FSIP1: variants seen among roughly 807,000 people sequenced by gnomAD.
FSIP1 encodes fibrous sheath-interacting protein 1.
A neutral mutation model predicts 60.9 loss-of-function variants in FSIP1; 65 were observed. The ratio of observed to expected loss-of-function variants is 1.07; its 90% CI spans 0.87 to 1.31. The LOEUF (loss-of-function observed/expected upper bound fraction) is 1.31, where lower values mean the gene tolerates loss of function less well. Among genes scored for constraint, FSIP1 ranks in the 40% most tolerant of loss-of-function variants. The probability of loss-of-function intolerance (pLI) is 0.00; values close to 1 mark genes in which losing one functional copy is unlikely to be tolerated. For missense variants in FSIP1, 675 were observed against 665.5 expected, an observed-to-expected ratio of 1.01 and a Z score of -0.16; for synonymous variants, 209 against 221.2, an observed-to-expected ratio of 0.94 and a Z score of 0.49.
At chr15:39,699,725 T>C (rs1894980151) in intron 10 of FSIP1, among the ~76,000 whole-genome samples, 2 of 152,206 alleles carry the variant, frequency 1.3e-5, no homozygotes, top group South Asian at 4.1e-4. Flanking sequence ...CTGAGTCATC[T>C]GCAAAATTCC....
chr15:39,754,061 G>T (rs1371015187), intron 5 of FSIP1, among the ~76,000 whole-genome samples: 1 of 152,024 alleles, frequency 6.6e-6, no homozygotes, highest in Non-Finnish European at 1.5e-5. Context: ...GTAATCACAG[G>T]ATTACTAATA....
intron 5 of FSIP1, among the ~76,000 whole-genome samples, chr15:39,756,457 G>A (rs73395285): frequency 3.3e-5 from 5 of 151,908 alleles, no homozygotes; most frequent in East Asian, 1.9e-4. Flanking sequence ...TCTCAAACTC[G>A]TGGACTCAAG....
chr15:39,633,091 C>CTTTTTTTTTTTTT (rs869063502), intron 10 of FSIP1, among the ~76,000 whole-genome samples: 7 of 112,886 alleles, frequency 6.2e-5, no homozygotes, highest in African/African-American at 1.5e-4. Context: ...GGCTATACTT[C>CTTTTTTTTTTTTT]TTTTTTTTTT....
At chr15:39,706,403 C>T (rs1015344907) in intron 10 of FSIP1, among the ~76,000 whole-genome samples, 21 of 152,120 alleles carry the variant, frequency 1.4e-4, no homozygotes, top group African/African-American at 4.1e-4. Context: ...GCTGGCCTAA[C>T]GGGTGTATAT....
chr15:39,620,839 C>T (rs953605585), intron 10 of FSIP1, among the ~76,000 whole-genome samples: 1 of 150,668 alleles, frequency 6.6e-6, no homozygotes, highest in Non-Finnish European at 1.5e-5. Context: ...CTTCTGACCT[C>T]AAGTGATCCA....
intron 5 of FSIP1, among the ~76,000 whole-genome samples, chr15:39,745,560 G>A (rs983965882): frequency 2.0e-5 from 3 of 152,150 alleles, no homozygotes; most frequent in Non-Finnish European, 2.9e-5. Flanking sequence ...GTCTATCTGT[G>A]CAGCTCAGAG....
intron 10 of FSIP1, among the ~76,000 whole-genome samples, chr15:39,653,279 T>C (rs1892950316): frequency 6.6e-6 from 1 of 151,924 alleles, no homozygotes; most frequent in East Asian, 1.9e-4. Context: ...TGAGTGAAAG[T>C]CAAGGCCCAG....
intron 10 of FSIP1, among the ~76,000 whole-genome samples, chr15:39,680,149 T>G (rs2140485273): frequency 1.3e-5 from 2 of 151,840 alleles, no homozygotes; most frequent in East Asian, 1.9e-4. Context: ...CAAGACTCTG[T>G]CTCAAAAAAA....
chr15:39,672,173 A>G (rs1440052161), intron 10 of FSIP1, among the ~76,000 whole-genome samples: 5 of 152,204 alleles, frequency 3.3e-5, no homozygotes, highest in Admixed American at 6.5e-5. Context: ...AATCTGTCCA[A>G]GCTCAGCTTC....
chr15:39,614,793 C>T (rs961227853), intron 11 of FSIP1, among the ~76,000 whole-genome samples: 3 of 151,902 alleles, frequency 2.0e-5, no homozygotes, highest in Admixed American at 6.6e-5. Context: ...ATAAAAGAAA[C>T]AATCCTTAAA....
At chr15:39,778,727 G>A (rs1237445633) in intron 1 of FSIP1, among the ~76,000 whole-genome samples, 7 of 152,184 alleles carry the variant, frequency 4.6e-5, no homozygotes, top group Non-Finnish European at 1.0e-4. Context: ...ACAAAAGGAA[G>A]CGAGTAGTAT....
intron 2 of FSIP1, among the ~76,000 whole-genome samples, chr15:39,776,182 G>GGAGGGGAGGGA (rs1898051603): frequency 2.7e-5 from 2 of 75,096 alleles, no homozygotes; most frequent in African/African-American, 8.5e-5. Flanking sequence ...GAGGGGAGGG[G>GGAGGGGAGGGA]CGGAGGGAGG....
At chr15:39,653,784 T>C (rs1277250318) in intron 10 of FSIP1, among the ~76,000 whole-genome samples, 3 of 152,246 alleles carry the variant, frequency 2.0e-5, no homozygotes, top group African/African-American at 7.2e-5. Flanking sequence ...TTGCTCCTCC[T>C]TGCCTTCTGC....
intron 5 of FSIP1, among the ~76,000 whole-genome samples, chr15:39,746,859 G>C (rs1311293236): frequency 6.6e-6 from 1 of 152,232 alleles, no homozygotes; most frequent in Middle Eastern, 3.4e-3. Context: ...GAAATAAGGA[G>C]AGATGATAAG....
chr15:39,698,950 C>T (rs1329279327), intron 10 of FSIP1, among the ~76,000 whole-genome samples: 1 of 152,130 alleles, frequency 6.6e-6, no homozygotes, highest in Non-Finnish European at 1.5e-5. Flanking sequence ...CAGAGGTAAA[C>T]AGATAAGAGG....
At chr15:39,707,372 C>T (rs1023529777) in intron 10 of FSIP1, among the ~76,000 whole-genome samples, 4 of 152,104 alleles carry the variant, frequency 2.6e-5, no homozygotes, top group East Asian at 1.9e-4. Flanking sequence ...TCTGACCATA[C>T]GGAGAGGTCG....
intron 10 of FSIP1, among the ~76,000 whole-genome samples, chr15:39,645,968 G>A (rs1300818883): frequency 6.6e-6 from 1 of 152,230 alleles, no homozygotes; most frequent in Non-Finnish European, 1.5e-5. Flanking sequence ...CAGTCCTGTG[G>A]ACGGGAGAGG....
At chr15:39,762,375 CT>C (rs1166603765) in intron 5 of FSIP1, among the ~76,000 whole-genome samples, 1 of 152,228 alleles carries the variant, frequency 6.6e-6, no homozygotes, top group Non-Finnish European at 1.5e-5. Context: ...ACACAGCCTT[CT>C]TCCCTGTGGC....
intron 10 of FSIP1, among the ~76,000 whole-genome samples, chr15:39,695,937 G>C (rs553498803): frequency 6.6e-6 from 1 of 152,210 alleles, no homozygotes; most frequent in Non-Finnish European, 1.5e-5. Context: ...GAAGAGATTA[G>C]CAGCAAACTT....
Sources: gnomAD v4.1 joint callset for allele counts (sites outside exome capture counted in the v4.1 genomes callset) on GRCh38, gnomAD v4.1.1 for gene constraint, MANE v1.5 for transcripts, NCBI Gene and HGNC (gene_info 2026-07-23, HGNC 2026-07-21) for gene names.